TEX48: variants seen among roughly 807,000 people sequenced by gnomAD.
The protein encoded by TEX48 is testis-expressed protein 48.
In TEX48, 10 loss-of-function variants were observed where a neutral mutation model predicts 13.2. The observed-to-expected ratio is 0.75, with a 90% CI of 0.47 to 1.28. TEX48 has a LOEUF of 1.28. TEX48 is among the 50% of genes most tolerant of loss of function. The probability of loss-of-function intolerance (pLI) is 0.00; values close to 1 mark genes in which losing one functional copy is unlikely to be tolerated. For synonymous variants in TEX48, 45 were observed against 52.3 expected, an observed-to-expected ratio of 0.86 and a Z score of 0.60; for missense variants, 116 against 139.4, an observed-to-expected ratio of 0.83 and a Z score of 0.84.
chr9:114,677,706 TC>T (rs937178322), intron 1 of TEX48, among the ~76,000 whole-genome samples: 4 of 152,078 alleles, frequency 2.6e-5, no homozygotes, highest in African/African-American at 9.7e-5. Flanking sequence ...TGGACTTGGG[TC>T]CCTCTAAACC....
chr9:114,669,342 A>G (rs928897243), intron 3 of TEX48, among the ~76,000 whole-genome samples: 3 of 152,016 alleles, frequency 2.0e-5, no homozygotes, highest in Non-Finnish European at 2.9e-5. Flanking sequence ...GCAGTGGTGC[A>G]ATCATGACTT....
chr9:114,678,316 G>A (rs1394418285), intron 1 of TEX48, among the ~76,000 whole-genome samples: 3 of 152,160 alleles, frequency 2.0e-5, no homozygotes, highest in South Asian at 4.1e-4. Flanking sequence ...CTTTTTCAGG[G>A]AGCATTTTTC....
chr9:114,669,050 A>G (rs1346634126), intron 3 of TEX48, among the ~76,000 whole-genome samples: 1 of 151,982 alleles, frequency 6.6e-6, no homozygotes, highest in African/African-American at 2.4e-5. Flanking sequence ...CTATGTTGCC[A>G]GGCTGGTCTT....
chr9:114,674,842 C>CTTT (rs79196358), intron 1 of TEX48, among the ~76,000 whole-genome samples: 4,198 of 135,098 alleles, frequency 0.031, 255 homozygotes, highest in African/African-American at 0.1. Flanking sequence ...CCAGCAAATT[C>CTTT]TTTTTTTTTT....
Position 114,666,575 on chromosome 9 carries a change from G to T in TEX48, c.*68C>A, listed in dbSNP as rs1431773032. ...GGGGAGTTTCCGAATTAGTCTTCAT[G>T]ACTCCTGTCCACCGCCCTCTTCCTC... On this transcript the variant is annotated 3_prime_UTR_variant, in exon 5 of 5. Coordinates refer to ENST00000436752, the MANE Select transcript of TEX48 (RefSeq NM_001199233.2). 3 of 871,062 alleles carry T rather than the reference G, an allele frequency of 3.4e-6. No individual in the cohort carries two copies. The highest frequency in any genetic ancestry group is 3.3e-5 in the South Asian group (2 of 59,990). The allele number at this position is 871,062 out of a possible 1,614,324, so 54.0% of individuals were successfully genotyped here.
intron 4 of TEX48, among the ~76,000 whole-genome samples, chr9:114,666,955 C>T (rs1401516703): frequency 6.6e-6 from 1 of 152,138 alleles, no homozygotes; most frequent in Admixed American, 6.6e-5. Context: ...ACGTTGGTGG[C>T]TTCAGTGACA....
At chr9:114,668,161 T>G in intron 4 of TEX48, 45 bp downstream of exon 4, 4 of 1,533,770 alleles carry the variant, frequency 2.6e-6, no homozygotes, top group African/African-American at 1.4e-5. Context: ...AGGCTCCCTG[T>G]CTGGGAGTTT....
At chr9:114,667,995 C>T (rs1311082401) in intron 4 of TEX48, among the ~76,000 whole-genome samples, 1 of 151,274 alleles carries the variant, frequency 6.6e-6, no homozygotes, top group Non-Finnish European at 1.5e-5. Context: ...TGCTCCTTCT[C>T]ATGCACTTCC....
At chr9:114,668,063 G>T in intron 4 of TEX48, 143 bp downstream of exon 4, 1 of 1,062,684 alleles carries the variant, frequency 9.4e-7, no homozygotes, top group Non-Finnish European at 1.3e-6. Flanking sequence ...AGTGTGCTCT[G>T]GAATATGACT....
At chr9:114,675,121 G>A (rs183608924) in intron 1 of TEX48, among the ~76,000 whole-genome samples, 111 of 152,238 alleles carry the variant, frequency 7.3e-4, no homozygotes, top group African/African-American at 2.5e-3. Context: ...AGTGCAGTGT[G>A]GGAAGTCAAT....
In TEX48 at chr9:114,676,895, C is replaced by T. The variant is rs528298680; in HGVS notation, c.-104-5068G>A. Among the ~76,000 whole-genome samples the T allele has an allele frequency of 1.4e-3, 210 of 152,250 alleles. 1 individual carries two copies. The Middle Eastern group carries it at 0.017, about 12-fold the overall frequency. On this transcript the variant is annotated intron_variant, in intron 1 of 4. Coordinates refer to ENST00000436752, the MANE Select transcript of TEX48 (RefSeq NM_001199233.2). ...CCTCCCAAAGTGCTGGGATTCCAGGCGTGAGCCACCGCGCCTGGCCTTTAT... is the reference window on the plus strand; with the variant it reads ...CCTCCCAAAGTGCTGGGATTCCAGGTGTGAGCCACCGCGCCTGGCCTTTAT...
At chr9:114,671,185 A>T (rs1589376770) in intron 3 of TEX48, among the ~76,000 whole-genome samples, 198 bp downstream of exon 3, 1 of 152,180 alleles carries the variant, frequency 6.6e-6, no homozygotes, top group East Asian at 1.9e-4. Context: ...TGGCCCATAG[A>T]CTACACTTTA....
At position 114,666,654 on chromosome 9, in the gene TEX48, CAG is replaced by C. The variant is rs1166667646; in HGVS notation, c.350_351del (p.Thr117ArgfsTer19). On this transcript the variant is annotated frameshift_variant, in exon 5 of 5. Transcript: ENST00000436752. LOFTEE classifies it high-confidence loss of function. Reference sequence around the variant, plus strand: ...GCCGGCTAGAATGCTCAGGGCCTCCCAGTGAGGCATGGCTGGAATGGCCAGTG... The same window carrying C: ...GCCGGCTAGAATGCTCAGGGCCTCCCTGAGGCATGGCTGGAATGGCCAGTG... Reference protein sequence around the residue: ...QEHWPFQPCLTGRP With the variant: ...QEHWPFQPCLXGRP 1 of 1,530,418 alleles carries C rather than the reference CAG, an allele frequency of 6.5e-7. No individual in the cohort carries two copies. The highest frequency in any genetic ancestry group is 1.4e-5 in the African/African-American group (1 of 72,844). 94.8% of individuals were successfully genotyped at this position (1,530,418 alleles called of 1,614,324 possible).
At chr9:114,674,842 C>CTTTTT (rs79196358) in intron 1 of TEX48, among the ~76,000 whole-genome samples, 1 of 135,118 alleles carries the variant, frequency 7.4e-6, no homozygotes. Flanking sequence ...CCAGCAAATT[C>CTTTTT]TTTTTTTTTT....
chr9:114,676,444 T>C (rs1336282099), intron 1 of TEX48, among the ~76,000 whole-genome samples: 3 of 152,004 alleles, frequency 2.0e-5, no homozygotes, highest in Admixed American at 6.6e-5. Flanking sequence ...TGCTGGGTTA[T>C]AGGCTTGAGA....
At chr9:114,681,160 T>G (rs1017972121) in intron 1 of TEX48, among the ~76,000 whole-genome samples, 1 of 152,252 alleles carries the variant, frequency 6.6e-6, no homozygotes, top group Non-Finnish European at 1.5e-5. Context: ...GTTTTGCACC[T>G]TGATTTTTTT....
rs1327249832 is a variant in TEX48 at position 114,666,740 on chromosome 9, TTCAGATCTGAA to T, written c.260-5_265del. On this transcript the variant is annotated splice_acceptor_variant and splice_polypyrimidine_tract_variant and coding_sequence_variant and intron_variant, in exon 5 of 5. Transcript: ENST00000436752. LOFTEE classifies it high-confidence loss of function. Reference sequence around the variant, plus strand: ...AAAATTTCTTTGGGAAGCATATGCATTCAGATCTGAAAGAAGAAAGGAAAAAATTATGCTGG... The same window carrying T: ...AAAATTTCTTTGGGAAGCATATGCATAGAAGAAAGGAAAAAATTATGCTGG... 1 of 1,514,808 alleles carries T rather than the reference TTCAGATCTGAA, an allele frequency of 6.6e-7. No individual in the cohort carries two copies. The highest frequency in any genetic ancestry group is 2.5e-5 in the East Asian group (1 of 40,778). 93.8% of individuals were successfully genotyped at this position (1,514,808 alleles called of 1,614,324 possible). A position where few individuals can be genotyped will look rare whatever the true frequency, so the allele number is the denominator to read the frequency against.
chr9:114,667,905 C>CAAAAAAAAAA (rs1176250476), intron 4 of TEX48, among the ~76,000 whole-genome samples: 1 of 60,500 alleles, frequency 1.7e-5, no homozygotes, highest in Non-Finnish European at 2.9e-5. Context: ...GACTCCATCT[C>CAAAAAAAAAA]AAAAAAAAAA....
chr9:114,676,424 C>G (rs1056569036), intron 1 of TEX48, among the ~76,000 whole-genome samples: 1 of 152,078 alleles, frequency 6.6e-6, no homozygotes, highest in East Asian at 1.9e-4. Flanking sequence ...CCTGCCTCAG[C>G]CTCCAAAAGT....
Sources: allele counts gnomAD v4.1 joint callset (sites outside exome capture counted in the v4.1 genomes callset), GRCh38; gene constraint gnomAD v4.1.1; transcripts MANE v1.5; gene names NCBI Gene and HGNC (gene_info 2026-07-23, HGNC 2026-07-21).